The following SREK1IP1 variants were observed in gnomAD, a reference collection of about 807,000 sequenced individuals.
SREK1IP1 encodes SREK1 interacting protein 1, also known as protein SREK1IP1.
Under a neutral mutation model 22.8 loss-of-function variants are expected in SREK1IP1, and 12 were observed. The observed-to-expected ratio is 0.53, with a 90% CI of 0.34 to 0.85. The LOEUF (loss-of-function observed/expected upper bound fraction) is 0.85. Ranked by LOEUF, SREK1IP1 falls within the 40% of genes least tolerant of loss-of-function variation. The pLI is 0.02. For missense variants in SREK1IP1, 147 were observed against 171.8 expected (o/e 0.86, Z 0.81); for synonymous variants, 53 against 52.7 (o/e 1.01, Z -0.02).
At chr5:64,731,660 C>T (rs776022393) in intron 3 of SREK1IP1, among the ~76,000 whole-genome samples, 1 of 151,240 alleles carries the variant, frequency 6.6e-6, no homozygotes, top group African/African-American at 2.4e-5. Flanking sequence ...TTTGCTAAGA[C>T]AATATGTTGA....
Position 64,719,226 on chromosome 5 carries a change from TTAAA to T in SREK1IP1, c.*5154_*5157del, listed in dbSNP as rs1742115455. The T allele has an allele frequency of 6.6e-6, 1 of 152,182 alleles. No individual in the cohort carries two copies. Among genetic ancestry groups the T allele is most frequent in the African/African-American group, 2.4e-5 (1 of 41,454 alleles). 9.4% of individuals were successfully genotyped at this position (152,182 alleles called of 1,614,324 possible). ...AAAATTTTTCATTTATTTAATTAAT[TTAAA>T]TAACCCTATGTGGCTATACTGGCAC... On this transcript the variant is annotated 3_prime_UTR_variant, in exon 5 of 5. Coordinates refer to ENST00000513458, the MANE Select transcript of SREK1IP1 (RefSeq NM_173829.4).
At chr5:64,752,905 T>G (rs1213751859) in intron 2 of SREK1IP1, among the ~76,000 whole-genome samples, 1 of 152,140 alleles carries the variant, frequency 6.6e-6, no homozygotes, top group Non-Finnish European at 1.5e-5. Flanking sequence ...TATGACTAAA[T>G]TTTTCCACAG....
chr5:64,746,013 A>G (rs961716614), intron 2 of SREK1IP1, among the ~76,000 whole-genome samples: 1 of 152,234 alleles, frequency 6.6e-6, no homozygotes, highest in Non-Finnish European at 1.5e-5. Context: ...TGGTACTGGC[A>G]TAAGAATAGA....
At position 64,750,227 on chromosome 5, in the gene SREK1IP1, A is replaced by G. The variant is rs529716087; in HGVS notation, c.61+4088T>C. 1.6e-4 allele frequency among the ~76,000 whole-genome samples: 25 copies of G among 152,280 alleles called. No homozygotes were observed. The South Asian group carries it at 2.3e-3, about 14-fold the overall frequency. The stretch of plus-strand genomic sequence containing the variant: ...CTCTGAAATTTTAAACTCCAATATT[A>G]AACTCTGACTGTGTCTTTCATCCTT... On this transcript the variant is annotated intron_variant, in intron 2 of 4. Transcript: ENST00000513458.
chr5:64,752,154 T>TTTTG, intron 2 of SREK1IP1, among the ~76,000 whole-genome samples: 1 of 138,250 alleles, frequency 7.2e-6, no homozygotes, highest in Non-Finnish European at 1.6e-5. Context: ...GTGTTTTTTT[T>TTTTG]TTTTTTTTTT....
At position 64,724,528 on chromosome 5, in the gene SREK1IP1, CTTTTG is replaced by C; in HGVS notation, c.319_323del (p.Gln107GlufsTer16). The C allele has an allele frequency of 6.5e-7, 1 of 1,548,414 alleles. No homozygotes were observed. The highest frequency in any genetic ancestry group is 8.7e-7 in the Non-Finnish European group (1 of 1,153,090). On this transcript the variant is annotated frameshift_variant, in exon 5 of 5. Transcript: ENST00000513458. LOFTEE classifies it high-confidence loss of function. ...TTTCTTTCTTCTGATATTTTTGTTT[CTTTTG>C]TTTTGAAGTGTCCTCTTCAGTGGAA...
At chr5:64,762,002 T>A (rs901695698) in intron 1 of SREK1IP1, among the ~76,000 whole-genome samples, 2 of 152,214 alleles carry the variant, frequency 1.3e-5, no homozygotes, top group Non-Finnish European at 2.9e-5. Context: ...TCCTCAACAC[T>A]TGCTTCAGGT....
intron 1 of SREK1IP1, among the ~76,000 whole-genome samples, chr5:64,757,228 C>T (rs537635076): frequency 6.6e-6 from 1 of 152,208 alleles, no homozygotes; most frequent in African/African-American, 2.4e-5. Flanking sequence ...GAGACCACAT[C>T]TCTACAAATT....
At position 64,758,487 on chromosome 5, in the gene SREK1IP1, G is replaced by A. The variant is rs182558984; in HGVS notation, c.14-4125C>T. The stretch of plus-strand genomic sequence containing the variant: ...AAACAAATATGTTGTAGCAGAATTT[G>A]ACTGGAATAAAATCAAATGAATAAT... On this transcript the variant is annotated intron_variant, in intron 1 of 4. Coordinates refer to ENST00000513458, the MANE Select transcript of SREK1IP1 (RefSeq NM_173829.4). 8.5e-5 allele frequency among the ~76,000 whole-genome samples: 13 copies of A among 152,236 alleles called. No individual in the cohort carries two copies. The East Asian group carries it at 2.5e-3, about 29-fold the overall frequency.
intron 3 of SREK1IP1, among the ~76,000 whole-genome samples, chr5:64,730,598 T>C (rs1282842745): frequency 6.6e-6 from 1 of 152,054 alleles, no homozygotes; most frequent in Non-Finnish European, 1.5e-5. Flanking sequence ...GATGGATATA[T>C]ATATATGCAA....
chr5:64,732,792 A>T (rs1474483621), intron 3 of SREK1IP1, among the ~76,000 whole-genome samples: 1 of 152,092 alleles, frequency 6.6e-6, no homozygotes, highest in African/African-American at 2.4e-5. Context: ...CCCATTCAAG[A>T]CTTATTTTAT....
intron 3 of SREK1IP1, among the ~76,000 whole-genome samples, chr5:64,736,959 C>T (rs1371035122): frequency 1.4e-5 from 2 of 147,292 alleles, no homozygotes; most frequent in African/African-American, 2.5e-5. Context: ...AGAATAACTA[C>T]TGCAAACATG....
chr5:64,760,127 A>C (rs2112114449), intron 1 of SREK1IP1, among the ~76,000 whole-genome samples: 1 of 152,338 alleles, frequency 6.6e-6, no homozygotes, highest in South Asian at 2.1e-4. Context: ...GTATGAAATA[A>C]TGGGGATGGT....
intron 3 of SREK1IP1, among the ~76,000 whole-genome samples, chr5:64,733,184 T>C (rs539905142): frequency 4.6e-5 from 7 of 152,252 alleles, no homozygotes; most frequent in South Asian, 2.1e-4. Context: ...AACTGATCAA[T>C]TGGACTTCAT....
At chr5:64,733,182 A>G (rs184485711) in intron 3 of SREK1IP1, among the ~76,000 whole-genome samples, 19 of 152,314 alleles carry the variant, frequency 1.2e-4, no homozygotes, top group African/African-American at 4.1e-4. Flanking sequence ...AAAACTGATC[A>G]ATTGGACTTC....
rs565119453 is a variant in SREK1IP1, at chr5:64,754,474, T to G, written c.14-112A>C. On this transcript the variant is annotated intron_variant, in intron 1 of 4. Coordinates refer to ENST00000513458, the MANE Select transcript of SREK1IP1 (RefSeq NM_173829.4). ...CCATTTGTTATAGAATTTCTTTTTT[T>G]TTGTTGTTGAGACAAGGTGTCACTC... 880 of 1,093,972 alleles carry G rather than the reference T, an allele frequency of 8.0e-4. 10 individuals carry two copies. The South Asian group carries it at 9.5e-3, about 12-fold the overall frequency. The allele number at this position is 1,093,972 out of a possible 1,614,324, so 67.8% of individuals were successfully genotyped here.
chr5:64,738,505 C>T (rs539001899), intron 3 of SREK1IP1, among the ~76,000 whole-genome samples: 30 of 151,130 alleles, frequency 2.0e-4, no homozygotes, highest in Non-Finnish European at 3.7e-4. Context: ...GTATACGGAA[C>T]CACAAAAGAC....
In SREK1IP1 at chr5:64,728,099, A is replaced by C. The variant is rs1640542641; in HGVS notation, c.278+8T>G. 1.5e-6 allele frequency: 2 copies of C among 1,364,264 alleles called. No homozygotes were observed. Among genetic ancestry groups the C allele is most frequent in the African/African-American group, 1.6e-5 (1 of 62,910 alleles). The allele number at this position is 1,364,264 out of a possible 1,614,324, so 84.5% of individuals were successfully genotyped here. A position where few individuals can be genotyped will look rare whatever the true frequency, so the allele number is the denominator to read the frequency against. On this transcript the variant is annotated splice_region_variant and intron_variant, in intron 4 of 4. Coordinates refer to ENST00000513458, the MANE Select transcript of SREK1IP1 (RefSeq NM_173829.4). ...GCTTTGTTTTTTAAAATGTTGTTCAAAAAATACCTTTTCCTTTTTTTTTTC... is the reference window on the plus strand; with the variant it reads ...GCTTTGTTTTTTAAAATGTTGTTCACAAAATACCTTTTCCTTTTTTTTTTC...
In SREK1IP1 at chr5:64,724,208, A is replaced by G. The variant is rs1742223202; in HGVS notation, c.*176T>C. The G allele has an allele frequency of 5.7e-6, 3 of 529,554 alleles. No homozygotes were observed. Among genetic ancestry groups the G allele is most frequent in the Non-Finnish European group, 9.9e-6 (3 of 301,520 alleles). 32.8% of individuals were successfully genotyped at this position (529,554 alleles called of 1,614,324 possible). A position where few individuals can be genotyped will look rare whatever the true frequency, so the allele number is the denominator to read the frequency against. On this transcript the variant is annotated 3_prime_UTR_variant, in exon 5 of 5. Coordinates refer to ENST00000513458, the MANE Select transcript of SREK1IP1 (RefSeq NM_173829.4). Reference sequence around the variant, plus strand: ...TAACAAGACTGATTTAATACTTTACAGTTACAGCACATTAAAAATATATTG... The same window carrying G: ...TAACAAGACTGATTTAATACTTTACGGTTACAGCACATTAAAAATATATTG...
Sources: gnomAD v4.1 joint callset for allele counts (sites outside exome capture counted in the v4.1 genomes callset) on GRCh38, gnomAD v4.1.1 for gene constraint, MANE v1.5 for transcripts, NCBI Gene and HGNC (gene_info 2026-07-23, HGNC 2026-07-21) for gene names.